Variants in GPHN observed in about 807,000 individuals in gnomAD.
GPHN encodes the protein gephyrin.
In GPHN, 17 loss-of-function variants were observed where a neutral mutation model predicts 95.5. The ratio of observed to expected loss-of-function variants is 0.18; its 90% CI spans 0.12 to 0.27. The LOEUF is 0.27. Ranked by LOEUF, GPHN falls within the 10% of genes least tolerant of loss-of-function variation. The probability of loss-of-function intolerance (pLI) is 1.00; values close to 1 mark genes in which losing one functional copy is unlikely to be tolerated. For synonymous variants in GPHN, 320 were observed against 322.5 expected (o/e 0.99, Z 0.08); for missense variants, 660 against 978.1 (o/e 0.67, Z 4.34).
chr14:67,434,699 C>T, the GPHN span, among the ~76,000 whole-genome samples: 1 of 152,170 alleles, frequency 6.6e-6, no homozygotes, highest in Non-Finnish European at 1.5e-5. Flanking sequence ...ATGATGACAG[C>T]AGAGAGAACA....
chr14:67,201,476 G>A, the GPHN span: 1 of 456,030 alleles, frequency 2.2e-6, no homozygotes, highest in Non-Finnish European at 4.4e-6. Context: ...AATGATAGCT[G>A]CCAGCAGTAG....
chr14:67,058,136 G>A (rs1251235826), intron 10 of GPHN, among the ~76,000 whole-genome samples: 2 of 152,070 alleles, frequency 1.3e-5, no homozygotes, highest in Admixed American at 1.3e-4. Context: ...TTTTATATTT[G>A]AATGAGTAGG....
At chr14:67,487,823 T>C in the GPHN span, among the ~76,000 whole-genome samples, 1 of 150,184 alleles carries the variant, frequency 6.7e-6, no homozygotes, top group Non-Finnish European at 1.5e-5. Flanking sequence ...TAGAGACGGG[T>C]CTTGCTATGT....
chr14:66,643,235 G>A (rs1210783952), intron 1 of GPHN, among the ~76,000 whole-genome samples: 1 of 152,028 alleles, frequency 6.6e-6, no homozygotes, highest in East Asian at 1.9e-4. Flanking sequence ...GAGTGGCTAA[G>A]TAAAAAAGAT....
chr14:67,070,715 A>AAAAATATATATAT, intron 11 of GPHN, among the ~76,000 whole-genome samples: 1,018 of 80,366 alleles, frequency 0.013, 19 homozygotes, highest in Non-Finnish European at 0.016. Flanking sequence ...AAAAAAAAAA[A>AAAAATATATATAT]ATATATATAT....
intron 3 of GPHN, among the ~76,000 whole-genome samples, chr14:66,790,407 G>T (rs892659760): frequency 7.9e-5 from 12 of 152,228 alleles, no homozygotes; most frequent in African/African-American, 2.9e-4. Flanking sequence ...TAACTGCTAA[G>T]CTACAGCACT....
chr14:67,332,206 T>G, the GPHN span, among the ~76,000 whole-genome samples: 23,624 of 152,174 alleles, frequency 0.16, 3,470 homozygotes, highest in East Asian at 0.42. Context: ...GTTTTGCACA[T>G]AGCCTTGCTG....
intron 17 of GPHN, among the ~76,000 whole-genome samples, chr14:67,139,495 C>G (rs1271932624): frequency 6.6e-6 from 1 of 152,168 alleles, no homozygotes; most frequent in Non-Finnish European, 1.5e-5. Context: ...TACACAATCA[C>G]TTCTGATTAG....
At chr14:66,906,549 C>T (rs977649886) in intron 5 of GPHN, among the ~76,000 whole-genome samples, 1 of 152,126 alleles carries the variant, frequency 6.6e-6, no homozygotes, top group African/African-American at 2.4e-5. Context: ...AGTTTTTTCA[C>T]TTCTTTCTGG....
chr14:66,542,980 AG>A (rs1273001329), intron 1 of GPHN, among the ~76,000 whole-genome samples: 1 of 152,214 alleles, frequency 6.6e-6, no homozygotes, highest in East Asian at 1.9e-4. Flanking sequence ...ACTTACAATC[AG>A]GGCGGAAGGC....
intron 1 of GPHN, among the ~76,000 whole-genome samples, chr14:66,608,344 A>T (rs979762496): frequency 6.6e-6 from 1 of 152,002 alleles, no homozygotes; most frequent in Non-Finnish European, 1.5e-5. Context: ...CTGTGATGTG[A>T]GAACGTGCTT....
At chr14:66,985,745 A>G (rs1463765713) in intron 9 of GPHN, 1 of 1,511,746 alleles carries the variant, frequency 6.6e-7, no homozygotes, top group East Asian at 2.5e-5. Context: ...CAAAGTAAAT[A>G]TGTTTCTAAC....
At chr14:66,750,979 T>G (rs1051296959) in intron 2 of GPHN, among the ~76,000 whole-genome samples, 1 of 151,994 alleles carries the variant, frequency 6.6e-6, no homozygotes, top group African/African-American at 2.4e-5. Context: ...TATTTTCATA[T>G]CAATGTCAAG....
chr14:66,598,003 C>T (rs190002267), intron 1 of GPHN, among the ~76,000 whole-genome samples: 33 of 152,116 alleles, frequency 2.2e-4, no homozygotes, highest in Non-Finnish European at 3.8e-4. Context: ...ACCTGTAGGA[C>T]ATTATGTTAA....
At chr14:67,008,352 A>C (rs2072747401) in intron 9 of GPHN, among the ~76,000 whole-genome samples, 1 of 151,696 alleles carries the variant, frequency 6.6e-6, no homozygotes, top group Admixed American at 6.6e-5. Context: ...GCTACTCAGG[A>C]GGCTGAGGCA....
At chr14:67,387,776 G>A in the GPHN span, among the ~76,000 whole-genome samples, 1 of 152,202 alleles carries the variant, frequency 6.6e-6, no homozygotes, top group African/African-American at 2.4e-5. Context: ...GTATGTTTAT[G>A]TTAAAAGCAA....
chr14:67,362,905 C>G, the GPHN span, among the ~76,000 whole-genome samples: 3 of 152,084 alleles, frequency 2.0e-5, no homozygotes, highest in Admixed American at 2.0e-4. Context: ...CTTTACTTAC[C>G]CTTTATGTTG....
At chr14:66,779,781 G>A (rs1396096696) in intron 3 of GPHN, among the ~76,000 whole-genome samples, 1 of 152,108 alleles carries the variant, frequency 6.6e-6, no homozygotes, top group Non-Finnish European at 1.5e-5. Context: ...CCCATGTTAA[G>A]AAGTTTGGTT....
chr14:67,695,622 G>A, the GPHN span: 1 of 1,612,990 alleles, frequency 6.2e-7, no homozygotes, highest in Non-Finnish European at 8.5e-7. Flanking sequence ...CAATACATTT[G>A]CACAGACCTG....
Sources: allele counts gnomAD v4.1 joint callset (sites outside exome capture counted in the v4.1 genomes callset), GRCh38; gene constraint gnomAD v4.1.1; transcripts MANE v1.5; gene names NCBI Gene and HGNC (gene_info 2026-07-23, HGNC 2026-07-21).